KICS2: variants seen among roughly 807,000 people sequenced by gnomAD.
KICS2 encodes KICSTOR complex protein C12orf66.
A neutral mutation model predicts 31.4 loss-of-function variants in KICS2; 13 were observed. The ratio of observed to expected loss-of-function variants is 0.41; its 90% CI spans 0.27 to 0.66. The LOEUF (loss-of-function observed/expected upper bound fraction) is 0.66. Among genes scored for constraint, KICS2 ranks in the 30% least tolerant of loss-of-function variants. The pLI is 0.28. For missense variants in KICS2, 455 were observed against 545.4 expected, an observed-to-expected ratio of 0.83 and a Z score of 1.65; for synonymous variants, 209 against 214.8, an observed-to-expected ratio of 0.97 and a Z score of 0.24.
chr12:64,188,518 G>A (rs1204578552), downstream of KICS2, among the ~76,000 whole-genome samples: 1 of 151,532 alleles, frequency 6.6e-6, no homozygotes, highest in Non-Finnish European at 1.5e-5. Flanking sequence ...GAAGAAAAAG[G>A]TAAGAGGATG....
intron 2 of KICS2, among the ~76,000 whole-genome samples, chr12:64,212,162 GTTAA>G (rs1291302356): frequency 1.3e-5 from 2 of 152,118 alleles, no homozygotes; most frequent in South Asian, 2.1e-4. Context: ...CAGCTTTACT[GTTAA>G]TTATTTCATG....
rs938999601 is a variant in KICS2, at chr12:64,194,862, C to T, written c.522-204G>A. On this transcript the variant is annotated intron_variant, in intron 2 of 2. Transcript: ENST00000398055. ...TTCAAAATTATGTCAACATCATATT[C>T]TCCTGTGGAAATAGCCTGAGAGTAG... 3.9e-5 allele frequency among the ~76,000 whole-genome samples: 6 copies of T among 152,234 alleles called. No individual in the cohort carries two copies. In the East Asian group the frequency reaches 9.6e-4, roughly 24 times the overall value.
chr12:64,196,069 C>CG (rs1555181012), intron 2 of KICS2, among the ~76,000 whole-genome samples: 1 of 151,934 alleles, frequency 6.6e-6, no homozygotes, highest in African/African-American at 2.4e-5. Context: ...AACAAAGCAG[C>CG]GGGCAGCTCC....
chr12:64,218,854 G>A (rs1400095818), intron 1 of KICS2, among the ~76,000 whole-genome samples: 1 of 152,160 alleles, frequency 6.6e-6, no homozygotes, highest in Non-Finnish European at 1.5e-5. Flanking sequence ...ACTACTCTAA[G>A]GAAGAGATAG....
chr12:64,187,694 C>A (rs553419349), downstream of KICS2: 1 of 1,503,384 alleles, frequency 6.7e-7, no homozygotes, highest in Middle Eastern at 1.7e-4. Context: ...TTAAATTAAA[C>A]CTACAGGGCT....
rs1190745340 is a variant in KICS2, at chr12:64,196,540, C to A, written c.522-1882G>T. Among the ~76,000 whole-genome samples the A allele has an allele frequency of 2.6e-5, 4 of 151,792 alleles. No homozygotes were observed. The East Asian group carries it at 5.8e-4, about 22-fold the overall frequency. The stretch of plus-strand genomic sequence containing the variant: ...AAACTGGAAACTCTAAAACGCAGAG[C>A]GTCTCTCCTCCTCCAAAGGAACACA... On this transcript the variant is annotated intron_variant, in intron 2 of 2. Transcript: ENST00000398055.
rs2037433143 is a variant in KICS2, at chr12:64,196,042, C to G, written c.522-1384G>C. On this transcript the variant is annotated intron_variant, in intron 2 of 2. Transcript: ENST00000398055. ...CTGGGGGAGGGGCGCCCGCCATTGCCCAGGCTTGATTAGGTAAACAAAGCA... is the reference window on the plus strand; with the variant it reads ...CTGGGGGAGGGGCGCCCGCCATTGCGCAGGCTTGATTAGGTAAACAAAGCA... Among the ~76,000 whole-genome samples the G allele has an allele frequency of 9.8e-5, 15 of 152,382 alleles. No homozygotes were observed. In the South Asian group the frequency reaches 3.1e-3, roughly 32 times the overall value.
At chr12:64,221,332 CTAT>C (rs2037680911) in intron 1 of KICS2, among the ~76,000 whole-genome samples, 1 of 152,144 alleles carries the variant, frequency 6.6e-6, no homozygotes, top group Non-Finnish European at 1.5e-5. Context: ...CCTTTTACAT[CTAT>C]TATTTCCTTC....
At position 64,193,383 on chromosome 12, in the gene KICS2, G is replaced by C; in HGVS notation, c.*459C>G. Reference sequence around the variant, plus strand: ...AAATCTACTAACTCCATATTCATTTGCTAATTTATGAGACAGAAAACATAT... The same window carrying C: ...AAATCTACTAACTCCATATTCATTTCCTAATTTATGAGACAGAAAACATAT... On this transcript the variant is annotated 3_prime_UTR_variant, in exon 3 of 3. Transcript: ENST00000398055. 1 of 985,768 alleles carries C rather than the reference G, an allele frequency of 1.0e-6. No individual in the cohort carries two copies. The highest frequency in any genetic ancestry group is 1.2e-6 in the Non-Finnish European group (1 of 830,142). 61.1% of individuals were successfully genotyped at this position (985,768 alleles called of 1,614,324 possible).
downstream of KICS2, chr12:64,187,646 C>A (rs577164480): frequency 2.6e-6 from 4 of 1,535,620 alleles, no homozygotes; most frequent in Non-Finnish European, 3.5e-6. Flanking sequence ...GCATTGGTAA[C>A]AGGAACCTGG....
chr12:64,191,064 AG>A (rs2037374504), downstream of KICS2: 1 of 152,244 alleles, frequency 6.6e-6, no homozygotes, highest in Non-Finnish European at 1.5e-5. Flanking sequence ...ATTCAAAGAA[AG>A]CAGTCTGCAG....
At position 64,192,151 on chromosome 12, in the gene KICS2, G is replaced by T. The variant is rs1285099262; in HGVS notation, c.*1691C>A. 6.7e-6 allele frequency: 1 copy of T among 149,978 alleles called. No individual in the cohort carries two copies. The highest frequency in any genetic ancestry group is 2.5e-5 in the African/African-American group (1 of 40,542). 9.3% of individuals were successfully genotyped at this position (149,978 alleles called of 1,614,324 possible). On this transcript the variant is annotated 3_prime_UTR_variant, in exon 3 of 3. Transcript: ENST00000398055. Reference sequence around the variant, plus strand: ...TCTTCTTTTTTTTTTTTTGAGACAGGTCTCGCTCTTTCACCCAGGCTGGAG... The same window carrying T: ...TCTTCTTTTTTTTTTTTTGAGACAGTTCTCGCTCTTTCACCCAGGCTGGAG...
In KICS2 at chr12:64,193,019, G is replaced by C. The variant is rs1026871032; in HGVS notation, c.*823C>G. ...TTTTAAGCCTAAAAATAACCAAGGA[G>C]TAGAGCCAAACATGTACATTTCAGC... On this transcript the variant is annotated 3_prime_UTR_variant, in exon 3 of 3. Transcript: ENST00000398055. 4.7e-5 allele frequency: 46 copies of C among 985,340 alleles called. No individual in the cohort carries two copies. In the African/African-American group the frequency reaches 7.9e-4, roughly 17 times the overall value. 61.0% of individuals were successfully genotyped at this position (985,340 alleles called of 1,614,324 possible). A position where few individuals can be genotyped will look rare whatever the true frequency, so the allele number is the denominator to read the frequency against.
chr12:64,194,170 C>T lies in KICS2; in HGVS notation c.1010G>A (p.Arg337Lys), dbSNP rs2037409450. Residue 337 changes from arginine (R) to lysine (K), a missense_variant, in exon 3 of 3, where the codon AGA (arginine) becomes AAA (lysine). By Grantham distance (26) the Arg-to-Lys change is conservative. Coordinates refer to ENST00000398055, the MANE Select transcript of KICS2 (RefSeq NM_152440.5). ...CTGGTCCACACCCTTGGGGGCCTCT[C>T]TGTAGGAATGGGGGTGGTGATAACC... ...GHGYHHPHSY[R>K]EAPKGVDQYP... is the part of the protein sequence containing the mutation. 3 of 1,614,014 alleles carry T rather than the reference C, an allele frequency of 1.9e-6. No individual in the cohort carries two copies. Among genetic ancestry groups the T allele is most frequent in the Admixed American group, 1.7e-5 (1 of 59,998 alleles).
intron 1 of KICS2, among the ~76,000 whole-genome samples, chr12:64,219,529 A>C (rs1186709047): frequency 1.3e-5 from 2 of 152,108 alleles, no homozygotes; most frequent in African/African-American, 2.4e-5. Context: ...ATTCACTGCT[A>C]AGGCCTCAAA....
chr12:64,193,965 G>T lies in KICS2; in HGVS notation c.1215C>A (p.Val405=). The change falls in exon 3 of 3, where the codon GTC becomes GTA. Residue 405 remains valine, a synonymous_variant. Transcript: ENST00000398055. ...CAGATTTCTTTGACTCAAAAATGATGACAATGGTAAAGTGAGGTTCCGGGC... is the reference window on the plus strand; with the variant it reads ...CAGATTTCTTTGACTCAAAAATGATTACAATGGTAAAGTGAGGTTCCGGGC... ...LTRPEPHFTI[V]IIFESKKSER... The T allele has an allele frequency of 6.2e-7, 1 of 1,614,186 alleles. No individual in the cohort carries two copies. Among genetic ancestry groups the T allele is most frequent in the Non-Finnish European group, 8.5e-7 (1 of 1,180,034 alleles).
chr12:64,208,758 T>C (rs906597031), intron 2 of KICS2, among the ~76,000 whole-genome samples: 5 of 152,188 alleles, frequency 3.3e-5, no homozygotes, highest in Non-Finnish European at 7.3e-5. Flanking sequence ...ATTCTAGCTA[T>C]AAAATTATTA....
chr12:64,208,482 GA>G (rs1176450248), intron 2 of KICS2, among the ~76,000 whole-genome samples: 3 of 152,196 alleles, frequency 2.0e-5, no homozygotes, highest in Non-Finnish European at 4.4e-5. Flanking sequence ...GCATTCCACA[GA>G]AATTGCACTA....
At chr12:64,201,619 G>GAAAAAAAAAAAAAAAAAAAAAAAAAA (rs142477212) in intron 2 of KICS2, among the ~76,000 whole-genome samples, 1 of 117,624 alleles carries the variant, frequency 8.5e-6, no homozygotes, top group Non-Finnish European at 1.7e-5. Context: ...AAAAAAAAAA[G>GAAAAAAAAAAAAAAAAAAAAAAAAAA]AAAAAAAAAA....
Sources: allele counts gnomAD v4.1 joint callset (sites outside exome capture counted in the v4.1 genomes callset), GRCh38; gene constraint gnomAD v4.1.1; transcripts MANE v1.5; gene names NCBI Gene and HGNC (gene_info 2026-07-23, HGNC 2026-07-21).